PWWP2A: variants seen among roughly 807,000 people sequenced by gnomAD.
PWWP2A encodes PWWP domain containing 2A.
In PWWP2A, 18 loss-of-function variants were observed where a neutral mutation model predicts 48.5. The observed-to-expected ratio is 0.37, with a 90% CI of 0.26 to 0.55. The LOEUF (loss-of-function observed/expected upper bound fraction) is 0.55, where lower values mean the gene tolerates loss of function less well. Ranked by LOEUF, PWWP2A falls within the 20% of genes least tolerant of loss-of-function variation. PWWP2A has a pLI of 0.81. For synonymous variants in PWWP2A, 396 were observed against 387.7 expected, an observed-to-expected ratio of 1.02 and a Z score of -0.25; for missense variants, 867 against 976.4, an observed-to-expected ratio of 0.89 and a Z score of 1.49.
downstream of PWWP2A, among the ~76,000 whole-genome samples, chr5:160,073,428 C>G (rs565172324): frequency 5.9e-5 from 9 of 151,830 alleles, no homozygotes; most frequent in South Asian, 1.5e-3. Flanking sequence ...AGAGTTTCAC[C>G]GTGTTAGCCA....
At chr5:160,104,152 AG>A (rs997839498) in intron 1 of PWWP2A, among the ~76,000 whole-genome samples, 16 of 150,754 alleles carry the variant, frequency 1.1e-4, no homozygotes, top group Non-Finnish European at 2.2e-4. Context: ...AAATGAAAAA[AG>A]AAAAAGAGGA....
At chr5:160,073,000 GTC>G (rs1310690346), downstream of PWWP2A, among the ~76,000 whole-genome samples, 2 of 49,178 alleles carry the variant, frequency 4.1e-5, no homozygotes, top group South Asian at 1.0e-3. Flanking sequence ...GCGAGGCTCC[GTC>G]TCAAAAAAAA....
intron 2 of PWWP2A, among the ~76,000 whole-genome samples, chr5:160,067,338 G>A (rs1421626281): frequency 6.6e-6 from 1 of 152,066 alleles, no homozygotes; most frequent in Non-Finnish European, 1.5e-5. Flanking sequence ...TAGACACCTT[G>A]AAATGGTCTC....
exon 4 of PWWP2A, chr5:160,076,271 T>C (rs1753883899): frequency 1.3e-5 from 2 of 152,238 alleles, no homozygotes; most frequent in South Asian, 4.1e-4. Flanking sequence ...TCCATCACTC[T>C]ACACAAATAA....
downstream of PWWP2A, among the ~76,000 whole-genome samples, chr5:160,059,962 G>A (rs146288181): frequency 6.6e-6 from 1 of 152,264 alleles, no homozygotes; most frequent in East Asian, 1.9e-4. Flanking sequence ...TATCTGTAAA[G>A]CACAAAAAGC....
At position 160,077,750 on chromosome 5, in the gene PWWP2A, AC is replaced by A. The variant is rs1753960108; in HGVS notation, c.*404del. The A allele has an allele frequency of 5.8e-6, 1 of 173,626 alleles. No homozygotes were observed. The highest frequency in any genetic ancestry group is 1.2e-5 in the Non-Finnish European group (1 of 80,632). The allele number at this position is 173,626 out of a possible 1,614,324, so 10.8% of individuals were successfully genotyped here. The stretch of plus-strand genomic sequence containing the variant: ...GATTAACCTAAACCTTGGAGAAAGC[AC>A]AAAGTTTAAGTATGAAAAATAATTC... On this transcript the variant is annotated 3_prime_UTR_variant, in exon 4 of 4. Coordinates refer to the PWWP2A transcript ENST00000456329. This position sits in a 1 kb window ranked among gnomAD's most constrained non-coding sequence, Gnocchi z 4.2.
the PWWP2A span, among the ~76,000 whole-genome samples, chr5:160,049,881 C>A: frequency 6.6e-6 from 1 of 151,902 alleles, no homozygotes; most frequent in Non-Finnish European, 1.5e-5. Context: ...AGCTCGAGAC[C>A]AGCCTGGCCA....
chr5:160,117,427 G>A (rs1758251765), intron 1 of PWWP2A, among the ~76,000 whole-genome samples: 1 of 152,244 alleles, frequency 6.6e-6, no homozygotes, highest in African/African-American at 2.4e-5. Flanking sequence ...GGCTGAGGCG[G>A]GTGGATAACC....
At chr5:160,090,204 A>T (rs1044975394), downstream of PWWP2A, 1 of 985,082 alleles carries the variant, frequency 1.0e-6, no homozygotes, top group Non-Finnish European at 1.2e-6. Context: ...ATGGCTTCTG[A>T]AACAAATCCA....
downstream of PWWP2A, among the ~76,000 whole-genome samples, chr5:160,058,036 G>C (rs1757590321): frequency 1.3e-5 from 2 of 152,202 alleles, no homozygotes; most frequent in African/African-American, 4.8e-5. Flanking sequence ...CAAAGTGCTG[G>C]GATTATAGGC....
intron 1 of PWWP2A, among the ~76,000 whole-genome samples, chr5:160,114,664 G>C (rs1232751941): frequency 6.6e-6 from 1 of 151,488 alleles, no homozygotes; most frequent in Non-Finnish European, 1.5e-5. Flanking sequence ...TTGGGAGGCT[G>C]AGGCGGAACA....
chr5:160,047,010 T>TA, the PWWP2A span, among the ~76,000 whole-genome samples: 9 of 151,898 alleles, frequency 5.9e-5, no homozygotes, highest in South Asian at 6.2e-4. Flanking sequence ...AGATTCCGTC[T>TA]AAAAAAAAGA....
At chr5:160,103,853 A>G (rs566395080) in intron 1 of PWWP2A, among the ~76,000 whole-genome samples, 132 of 152,204 alleles carry the variant, frequency 8.7e-4, no homozygotes, top group Admixed American at 1.7e-3. Context: ...TGGGAGCAGT[A>G]GCTCATGCCT....
intron 1 of PWWP2A, among the ~76,000 whole-genome samples, chr5:160,115,564 G>A (rs1302906848): frequency 1.3e-5 from 2 of 151,824 alleles, no homozygotes; most frequent in African/African-American, 2.4e-5. Context: ...GTGGTGGCGG[G>A]CACCTGTAAT....
At chr5:160,053,024 A>AC in the PWWP2A span, among the ~76,000 whole-genome samples, 1 of 152,154 alleles carries the variant, frequency 6.6e-6, no homozygotes, top group Admixed American at 6.5e-5. Flanking sequence ...TCTAGGTGTT[A>AC]CCCCACAATA....
At chr5:160,103,674 T>C (rs1756539635) in intron 1 of PWWP2A, among the ~76,000 whole-genome samples, 1 of 152,156 alleles carries the variant, frequency 6.6e-6, no homozygotes, top group Non-Finnish European at 1.5e-5. Context: ...TAGTTATCCA[T>C]TCTGAATATT....
chr5:160,053,603 C>T, the PWWP2A span, among the ~76,000 whole-genome samples: 2 of 152,112 alleles, frequency 1.3e-5, no homozygotes, highest in Non-Finnish European at 2.9e-5. Context: ...AGTGTGATGC[C>T]TATGCCTGTA....
chr5:160,112,694 T>C (rs1170339103), intron 1 of PWWP2A, among the ~76,000 whole-genome samples: 1 of 152,230 alleles, frequency 6.6e-6, no homozygotes, highest in East Asian at 1.9e-4. Flanking sequence ...CACCTGGTCA[T>C]TCTGTTCATT....
rs1758477592 is a variant in PWWP2A, at chr5:160,119,271, G to A, written c.118C>T (p.Leu40Phe). Residue 40 changes from leucine to phenylalanine, a missense_variant, in exon 1 of 2, where the codon CTC becomes TTC. Transcript: ENST00000307063. ...GACGCTTCAGTGGCCGTGACCGGGAGGGGGTCAGTGCCGGCCTCACTGCCG... is the reference window on the plus strand; with the variant it reads ...GACGCTTCAGTGGCCGTGACCGGGAAGGGGTCAGTGCCGGCCTCACTGCCG... ...IPGSEAGTDP[L>F]PVTATEASVP... 4 of 1,402,270 alleles carry A rather than the reference G, an allele frequency of 2.9e-6. No individual in the cohort carries two copies. Among genetic ancestry groups the A allele is most frequent in the South Asian group, 3.1e-5 (2 of 63,936 alleles). The allele number at this position is 1,402,270 out of a possible 1,614,324, so 86.9% of individuals were successfully genotyped here.
Sources: gnomAD v4.1 joint callset for allele counts (sites outside exome capture counted in the v4.1 genomes callset) on GRCh38, gnomAD v4.1.1 for gene constraint, Gnocchi (gnomAD v3.1) non-coding constraint, MANE v1.5 for transcripts, NCBI Gene and HGNC (gene_info 2026-07-23, HGNC 2026-07-21) for gene names.